Variants in CERCAM observed in about 807,000 individuals in gnomAD.
The protein encoded by CERCAM is inactive glycosyltransferase 25 family member 3.
A neutral mutation model predicts 66.0 loss-of-function variants in CERCAM; 59 were observed. That is an observed-to-expected ratio of 0.89 (90% CI 0.73 to 1.11). CERCAM has a LOEUF of 1.11. CERCAM is among the 50% of genes most tolerant of loss of function. The pLI, the probability that CERCAM is intolerant of heterozygous loss-of-function variation, is 0.00. For missense variants in CERCAM, 840 were observed against 828.3 expected (o/e 1.01, Z -0.17); for synonymous variants, 318 against 343.6 (o/e 0.93, Z 0.83).
At chr9:128,421,104 G>C (rs62587136) in intron 1 of CERCAM, 30 bp downstream of exon 1, 35,931 of 1,274,294 alleles carry the variant, frequency 0.028, 586 homozygotes, top group Non-Finnish European at 0.032. Context: ...GCACCGAGTG[G>C]GCACCTAACC....
intron 6 of CERCAM, 61 bp downstream of exon 6, chr9:128,428,482 C>G: frequency 6.3e-7 from 1 of 1,595,340 alleles, no homozygotes. Context: ...CCCCACGGTG[C>G]CCCTTTCCCT....
At chr9:128,428,552 A>G (rs1472209168) in intron 6 of CERCAM, 131 bp downstream of exon 6, 5 of 1,245,874 alleles carry the variant, frequency 4.0e-6, no homozygotes, top group Non-Finnish European at 5.6e-6. Flanking sequence ...AACTCGTTCC[A>G]TGACTCTGAG....
chr9:128,426,436 C>T lies in CERCAM; in HGVS notation c.766+1822C>T, dbSNP rs928987270. Among the ~76,000 whole-genome samples the T allele has an allele frequency of 2.6e-5, 4 of 151,922 alleles. No homozygotes were observed. The South Asian group carries it at 6.3e-4, about 24-fold the overall frequency. ...TCAAGAGATTGAGACCATCTTAAGA[C>T]GGTGAAACCCCGTCTCTACTAAAAA... On this transcript the variant is annotated intron_variant, in intron 5 of 12. Transcript: ENST00000372838.
rs972602942 is a variant in CERCAM at position 128,434,928 on chromosome 9, C to T, written c.1535+315C>T. 6.6e-6 allele frequency among the ~76,000 whole-genome samples: 1 copy of T among 152,196 alleles called. No homozygotes were observed. The highest frequency in any genetic ancestry group is 2.4e-5 in the African/African-American group (1 of 41,448). ...CCAGGTTCAAGCAATTCTGCTGCCT[C>T]AGCCTCCTGAGTAGCTGGGATTACA... is the stretch of plus-strand genomic sequence containing the variant. On this transcript the variant is annotated intron_variant, in intron 11 of 12. Coordinates refer to ENST00000372838, the MANE Select transcript of CERCAM (RefSeq NM_016174.5). The surrounding 1 kb of genome is among the most constrained non-coding windows in gnomAD (Gnocchi z 4.5).
rs1175566057 is a variant in CERCAM, at chr9:128,424,998, C to T, written c.766+384C>T. ...TCGGCCTCCCAAAGTACTGGCATTA[C>T]AGGTGTGAGCCACCCGCCCAGCCAG... is the stretch of plus-strand genomic sequence containing the variant. On this transcript the variant is annotated intron_variant, in intron 5 of 12. Transcript: ENST00000372838. Among the ~76,000 whole-genome samples the T allele has an allele frequency of 2.1e-5, 3 of 144,110 alleles. No individual in the cohort carries two copies. The East Asian group carries it at 6.1e-4, about 29-fold the overall frequency. 94.5% of individuals were successfully genotyped at this position (144,110 alleles called of 152,430 possible). A position where few individuals can be genotyped will look rare whatever the true frequency, so the allele number is the denominator to read the frequency against.
rs374800255 is a variant in CERCAM, at chr9:128,424,593, G to T, written c.745G>T (p.Ala249Ser). ...GCCTTTCGACGACATCATCGTCTTC[G>T]CCTATGCCTGCCAGGCTGCTGGTGA... ...TWPFDDIIVF[A>S]YACQAAGVSV... Residue 249 changes from alanine (A) to serine (S), a missense_variant, in exon 5 of 13, where the codon GCC (alanine) becomes TCC (serine). Coordinates refer to ENST00000372838, the MANE Select transcript of CERCAM (RefSeq NM_016174.5). 6.2e-7 allele frequency: 1 copy of T among 1,614,010 alleles called. No individual in the cohort carries two copies. The highest frequency in any genetic ancestry group is 1.7e-5 in the Admixed American group (1 of 59,996).
In CERCAM at chr9:128,424,133, C is replaced by G. The variant is rs528260258; in HGVS notation, c.427-5C>G. On this transcript the variant is annotated splice_region_variant and splice_polypyrimidine_tract_variant and intron_variant, in intron 3 of 12. Coordinates refer to ENST00000372838, the MANE Select transcript of CERCAM (RefSeq NM_016174.5). ...GCTGGAGCCTGTGACGTCCCCTCCT[C>G]AAAGTTTGCAGACACAGACAACATT... 1.1e-5 allele frequency: 17 copies of G among 1,613,468 alleles called. No individual in the cohort carries two copies. The South Asian group carries it at 1.9e-4, about 18-fold the overall frequency.
chr9:128,420,823 C>A, upstream of CERCAM: 1 of 902,382 alleles, frequency 1.1e-6, no homozygotes, highest in Non-Finnish European at 1.4e-6. This position sits in a 1 kb window ranked among gnomAD's most constrained non-coding sequence, Gnocchi z 5.0. Flanking sequence ...CCCGCCCCCT[C>A]CCCTCGGCCG....
rs1209605478 is a variant in CERCAM at position 128,421,094 on chromosome 9, G to A, written c.197+20G>A. 7.8e-7 allele frequency: 1 copy of A among 1,278,800 alleles called. No individual in the cohort carries two copies. The highest frequency in any genetic ancestry group is 9.9e-7 in the Non-Finnish European group (1 of 1,010,590). 79.2% of individuals were successfully genotyped at this position (1,278,800 alleles called of 1,614,324 possible). On this transcript the variant is annotated intron_variant, in intron 1 of 12. Coordinates refer to ENST00000372838, the MANE Select transcript of CERCAM (RefSeq NM_016174.5). The stretch of plus-strand genomic sequence containing the variant: ...CCTCTGGTGAGAGACCCGGGCATTG[G>A]CACCGAGTGGGCACCTAACCCCCAG...
intron 7 of CERCAM, 46 bp from the exon 8 acceptor site, chr9:128,428,884 T>C (rs1468117390): frequency 6.2e-7 from 1 of 1,609,504 alleles, no homozygotes; most frequent in Admixed American, 1.7e-5. Context: ...TGGGCCCTCC[T>C]CTTCCGCTCC....
Position 128,423,025 on chromosome 9 carries a change from C to T in CERCAM, c.308+47C>T, listed in dbSNP as rs149568354. The T allele has an allele frequency of 5.1e-5, 82 of 1,612,476 alleles. 1 individual carries two copies. In the African/African-American group the frequency reaches 1.0e-3, roughly 20 times the overall value. On this transcript the variant is annotated intron_variant, in intron 2 of 12. Transcript: ENST00000372838. ...TGCTGGGGAAGATGGAGAACAGCTG[C>T]AGCCCAGAGAGGAAAAGGGACAGCC... is the stretch of plus-strand genomic sequence containing the variant.
upstream of CERCAM, chr9:128,419,261 G>T (rs890265413): frequency 3.3e-5 from 5 of 152,292 alleles, no homozygotes; most frequent in African/African-American, 1.2e-4. Context: ...CAGTGCGCAC[G>T]TGCTGCCCCT....
At chr9:128,433,201 C>G (rs1834020580) in intron 9 of CERCAM, among the ~76,000 whole-genome samples, 1 of 150,832 alleles carries the variant, frequency 6.6e-6, no homozygotes, top group African/African-American at 2.4e-5. Flanking sequence ...ATGGCGTGAA[C>G]CCAGGAGGCG....
At chr9:128,432,344 G>A (rs989104113) in intron 9 of CERCAM, among the ~76,000 whole-genome samples, 7 of 147,244 alleles carry the variant, frequency 4.8e-5, no homozygotes, top group Middle Eastern at 3.6e-3. Flanking sequence ...CTTTTTTACC[G>A]TCCCTGAACA....
chr9:128,424,546 C>A lies in CERCAM; in HGVS notation c.698C>A (p.Pro233Gln), dbSNP rs762229816. The A allele has an allele frequency of 1.7e-5, 27 of 1,614,228 alleles. No individual in the cohort carries two copies. The highest frequency in any genetic ancestry group is 5.0e-5 in the Admixed American group (3 of 60,028). The stretch of plus-strand genomic sequence containing the variant: ...GGGGCAGACCAGCTTGCTTTCTACC[C>A]GCCACATCCCAACTACACTTGGCCT... ...AEGADQLAFY[P>Q]PHPNYTWPFD... Residue 233 changes from proline to glutamine, a missense_variant, in exon 5 of 13, where the codon CCG becomes CAG. Transcript: ENST00000372838.
At chr9:128,432,168 G>A (rs1249130270) in intron 9 of CERCAM, among the ~76,000 whole-genome samples, 1 of 152,034 alleles carries the variant, frequency 6.6e-6, no homozygotes, top group Non-Finnish European at 1.5e-5. Context: ...TGGGATTACA[G>A]GCATGTGCCA....
chr9:128,419,963 C>T (rs541815459), upstream of CERCAM, among the ~76,000 whole-genome samples: 130 of 151,974 alleles, frequency 8.6e-4, no homozygotes, highest in African/African-American at 3.1e-3. Context: ...CTCCGCCTCC[C>T]GGGTTCAAGC....
Position 128,424,526 on chromosome 9 carries a change from A to C in CERCAM, c.678A>C (p.Ala226=). 6.2e-7 allele frequency: 1 copy of C among 1,613,996 alleles called. No homozygotes were observed. Among genetic ancestry groups the C allele is most frequent in the Non-Finnish European group, 8.5e-7 (1 of 1,180,006 alleles). Residue 226 remains alanine, a synonymous_variant, in exon 5 of 13, where the codon GCA becomes GCC. Transcript: ENST00000372838. The part of the protein sequence containing the change: ...TFLASLRAEG[A]DQLAFYPPHP... ...TTGCATCCCTGCGGGCTGAAGGGGC[A>C]GACCAGCTTGCTTTCTACCCGCCAC...
chr9:128,428,363 C>T lies in CERCAM; in HGVS notation c.828C>T (p.Ser276=). ...GGTACATGAATGTGCCGGTGAAATC[C>T]CACCAGGGGCTGGAAGACGAGAGGG... The part of the protein sequence containing the change: ...RYGYMNVPVK[S]HQGLEDERVN... The change falls in exon 6 of 13, where the codon TCC becomes TCT. Residue 276 remains serine, a synonymous_variant. Transcript: ENST00000372838. 3.1e-6 allele frequency: 5 copies of T among 1,614,162 alleles called. No individual in the cohort carries two copies. Among genetic ancestry groups the T allele is most frequent in the Non-Finnish European group, 4.2e-6 (5 of 1,180,006 alleles).
Sources: allele counts gnomAD v4.1 joint callset (sites outside exome capture counted in the v4.1 genomes callset), GRCh38; gene constraint gnomAD v4.1.1; non-coding constraint Gnocchi (gnomAD v3.1); transcripts MANE v1.5; gene names NCBI Gene and HGNC (gene_info 2026-07-23, HGNC 2026-07-21).